Variants in PDK1 observed in about 807,000 individuals in gnomAD.
PDK1 encodes the protein [Pyruvate dehydrogenase (acetyl-transferring)] kinase isozyme 1, mitochondrial.
PDK1 carries 39 observed loss-of-function variants against 54.2 expected under a neutral mutation model. The ratio of observed to expected loss-of-function variants is 0.72; its 90% CI spans 0.56 to 0.94. PDK1 has a LOEUF of 0.94. Among genes scored for constraint, PDK1 ranks in the 40% least tolerant of loss-of-function variants. The pLI, the probability that PDK1 is intolerant of heterozygous loss-of-function variation, is 0.00. For synonymous variants in PDK1, 221 were observed against 207.1 expected (o/e 1.07, Z -0.58); for missense variants, 552 against 566.0 (o/e 0.98, Z 0.25).
At chr2:172,657,815 A>G in the PDK1 span, among the ~76,000 whole-genome samples, 2 of 152,182 alleles carry the variant, frequency 1.3e-5, no homozygotes, top group African/African-American at 4.8e-5. Context: ...CTGAGTTGCT[A>G]TAAAGGAATG....
chr2:172,588,581 C>T (rs1480435646), intron 9 of PDK1, among the ~76,000 whole-genome samples: 1 of 152,192 alleles, frequency 6.6e-6, no homozygotes, highest in Non-Finnish European at 1.5e-5. Flanking sequence ...CTGGAACAGG[C>T]TCCTCCATAC....
chr2:172,642,001 C>T, the PDK1 span, among the ~76,000 whole-genome samples: 3 of 151,912 alleles, frequency 2.0e-5, no homozygotes, highest in Non-Finnish European at 4.4e-5. Context: ...TTTCTAAGCC[C>T]CAACAATAAC....
the PDK1 span, among the ~76,000 whole-genome samples, chr2:172,700,896 C>T: frequency 6.6e-6 from 1 of 152,238 alleles, no homozygotes; most frequent in Non-Finnish European, 1.5e-5. Context: ...CCAGGCACTC[C>T]GCATGCCGAG....
At chr2:172,567,089 A>G (rs150731421) in intron 6 of PDK1, among the ~76,000 whole-genome samples, 156 bp downstream of exon 6, 105 of 151,852 alleles carry the variant, frequency 6.9e-4, no homozygotes, top group African/African-American at 2.4e-3. Context: ...ATCTATAAAC[A>G]TATGTAATTT....
the PDK1 span, among the ~76,000 whole-genome samples, chr2:172,671,601 A>G: frequency 6.6e-6 from 1 of 151,496 alleles, no homozygotes; most frequent in Non-Finnish European, 1.5e-5. Flanking sequence ...TTTCTTTGTA[A>G]ATTACTGTCT....
chr2:172,558,838 G>C lies in PDK1; in HGVS notation c.327G>C (p.Leu109Phe). Reference sequence around the variant, plus strand: ...TTCTCAGGACACCATCCGTTCAATTGGTACAAAGCTGGTAAGATTCTCATC... The same window carrying C: ...TTCTCAGGACACCATCCGTTCAATTCGTACAAAGCTGGTAAGATTCTCATC... Reference protein sequence around the residue: ...DNLLRTPSVQLVQSWYIQSLQ... With the variant: ...DNLLRTPSVQFVQSWYIQSLQ... Residue 109 changes from leucine (L) to phenylalanine (F), a missense_variant, in exon 2 of 11, where the codon TTG becomes TTC. Leu to Phe is a conservative substitution (Grantham distance 22). Transcript: ENST00000282077. 6.2e-7 allele frequency: 1 copy of C among 1,610,106 alleles called. No individual in the cohort carries two copies. Among genetic ancestry groups the C allele is most frequent in the Non-Finnish European group, 8.5e-7 (1 of 1,178,760 alleles).
chr2:172,655,146 C>T, the PDK1 span, among the ~76,000 whole-genome samples: 3 of 152,342 alleles, frequency 2.0e-5, no homozygotes, highest in East Asian at 1.9e-4. Flanking sequence ...GCCCTGCCCA[C>T]GTGGTGGCTG....
At chr2:172,571,823 C>CGTTT (rs765005051) in intron 8 of PDK1, among the ~76,000 whole-genome samples, 4,260 of 99,660 alleles carry the variant, frequency 0.043, 392 homozygotes, top group South Asian at 0.063. Flanking sequence ...TCTTTCTTTA[C>CGTTT]TTTTTTTTTT....
chr2:172,640,498 A>G, the PDK1 span, among the ~76,000 whole-genome samples: 1 of 152,166 alleles, frequency 6.6e-6, no homozygotes, highest in Non-Finnish European at 1.5e-5. Flanking sequence ...AGAAAAAAAT[A>G]TATATATGGT....
chr2:172,625,658 G>A, the PDK1 span, among the ~76,000 whole-genome samples: 10 of 151,944 alleles, frequency 6.6e-5, no homozygotes, highest in Non-Finnish European at 1.0e-4. Context: ...CTAATCTGGC[G>A]CCTCTGCTAT....
chr2:172,610,395 C>A (rs1459457917), downstream of PDK1, among the ~76,000 whole-genome samples: 1 of 152,098 alleles, frequency 6.6e-6, no homozygotes, highest in Non-Finnish European at 1.5e-5. Context: ...GATCTCTTTG[C>A]AGGGCCAGCA....
chr2:172,670,807 A>G, the PDK1 span, among the ~76,000 whole-genome samples: 1 of 152,142 alleles, frequency 6.6e-6, no homozygotes, highest in East Asian at 1.9e-4. Flanking sequence ...TAACCTCTCA[A>G]GCTCTTGAAG....
At chr2:172,654,431 T>TA in the PDK1 span, among the ~76,000 whole-genome samples, 2,605 of 152,128 alleles carry the variant, frequency 0.017, 75 homozygotes, top group African/African-American at 0.059. Flanking sequence ...TATGCAGCAT[T>TA]AAAAAAGGAT....
chr2:172,633,071 C>T, the PDK1 span, among the ~76,000 whole-genome samples: 2 of 149,546 alleles, frequency 1.3e-5, no homozygotes, highest in Non-Finnish European at 3.0e-5. Flanking sequence ...GAGACAAAAT[C>T]TCACCCTGTT....
At chr2:172,621,626 A>G in the PDK1 span, among the ~76,000 whole-genome samples, 1 of 146,968 alleles carries the variant, frequency 6.8e-6, no homozygotes, top group South Asian at 2.1e-4. Flanking sequence ...ATATGTTTAT[A>G]TATCATATGT....
chr2:172,568,735 C>G lies in PDK1; in HGVS notation c.770-6C>G. Reference sequence around the variant, plus strand: ...TACTTTCATATTTTTCTCTTCTGCTCTGTAGCAAAATCACCAGGACAGCCA... The same window carrying G: ...TACTTTCATATTTTTCTCTTCTGCTGTGTAGCAAAATCACCAGGACAGCCA... On this transcript the variant is annotated splice_region_variant and splice_polypyrimidine_tract_variant and intron_variant, in intron 6 of 10. Transcript: ENST00000282077. The G allele has an allele frequency of 6.3e-7, 1 of 1,581,406 alleles. No homozygotes were observed. The highest frequency in any genetic ancestry group is 8.7e-7 in the Non-Finnish European group (1 of 1,150,178).
At chr2:172,630,059 CT>C in the PDK1 span, among the ~76,000 whole-genome samples, 1 of 152,162 alleles carries the variant, frequency 6.6e-6, no homozygotes, top group Non-Finnish European at 1.5e-5. Context: ...CTGCAGAAGC[CT>C]ACTACTCCCC....
the PDK1 span, among the ~76,000 whole-genome samples, chr2:172,650,846 C>A: frequency 6.6e-6 from 1 of 152,106 alleles, no homozygotes; most frequent in Admixed American, 6.5e-5. Flanking sequence ...CCTTAGAGAC[C>A]TACAAAGAGA....
At chr2:172,637,810 C>T in the PDK1 span, among the ~76,000 whole-genome samples, 2 of 152,178 alleles carry the variant, frequency 1.3e-5, no homozygotes, top group East Asian at 1.9e-4. Context: ...ATTCTCGTGC[C>T]TCAGCCTCCC....
Sources: allele counts gnomAD v4.1 joint callset (sites outside exome capture counted in the v4.1 genomes callset), GRCh38; gene constraint gnomAD v4.1.1; transcripts MANE v1.5; gene names NCBI Gene and HGNC (gene_info 2026-07-23, HGNC 2026-07-21).